The following CDYL variants were observed in gnomAD, a reference collection of about 807,000 sequenced individuals.
The protein encoded by CDYL is chromodomain Y-like protein.
Under a neutral mutation model 47.3 loss-of-function variants are expected in CDYL, and 8 were observed. That is an observed-to-expected ratio of 0.17 (90% CI 0.10 to 0.31). The LOEUF is 0.31. Among genes scored for constraint, CDYL ranks in the 10% least tolerant of loss-of-function variants. The pLI, the probability that CDYL is intolerant of heterozygous loss-of-function variation, is 1.00. For missense variants in CDYL, 471 were observed against 701.4 expected (o/e 0.67, Z 3.71); for synonymous variants, 266 against 265.0 (o/e 1.00, Z -0.04).
At chr6:4,750,640 A>T (rs913154580) in intron 3 of CDYL, among the ~76,000 whole-genome samples, 2 of 152,258 alleles carry the variant, frequency 1.3e-5, no homozygotes, top group African/African-American at 2.4e-5. Flanking sequence ...GCACAACGAC[A>T]ACAATCAAAT....
At chr6:4,900,430 C>A (rs1334867048) in intron 2 of CDYL, among the ~76,000 whole-genome samples, 1 of 152,090 alleles carries the variant, frequency 6.6e-6, no homozygotes, top group Non-Finnish European at 1.5e-5. Context: ...TCTTTCTCCC[C>A]CATATATGTT....
Position 4,749,311 on chromosome 6 carries a change from G to GGATGGATA in CDYL, c.186+14474_186+14475insAGATGGAT, listed in dbSNP as rs57289790. On this transcript the variant is annotated intron_variant, in intron 3 of 8. Transcript: ENST00000328908. ...TGGATGGATGGATGGATGGATAGAT[G>GGATGGATA]GATGGATGGATGGATGGATGGATGG... Among the ~76,000 whole-genome samples, 258 of 126,526 alleles carry GGATGGATA rather than the reference G, an allele frequency of 2.0e-3. 1 individual carries two copies. Among genetic ancestry groups the GGATGGATA allele is most frequent in the Middle Eastern group, 7.6e-3 (2 of 262 alleles). The allele number at this position is 126,526 out of a possible 152,430, so 83.0% of individuals were successfully genotyped here.
At chr6:4,775,878 C>G (rs1758425251), upstream of CDYL, among the ~76,000 whole-genome samples, 1 of 150,616 alleles carries the variant, frequency 6.6e-6, no homozygotes, top group Non-Finnish European at 1.5e-5. The surrounding 1 kb of genome is among the most constrained non-coding windows in gnomAD (Gnocchi z 7.0). Context: ...TTGGGCTCCT[C>G]CTGGAGGGAG....
chr6:4,877,947 A>G (rs1232888689), intron 1 of CDYL, among the ~76,000 whole-genome samples: 2 of 152,154 alleles, frequency 1.3e-5, no homozygotes, highest in Non-Finnish European at 2.9e-5. Flanking sequence ...TTGCTCTTTT[A>G]ATTTGTAAAC....
At chr6:4,803,733 A>ATTTTT (rs754188736) in intron 1 of CDYL, among the ~76,000 whole-genome samples, 1 of 119,978 alleles carries the variant, frequency 8.3e-6, no homozygotes, top group Non-Finnish European at 1.8e-5. Flanking sequence ...CACTTTCCTG[A>ATTTTT]TTTTTTTTTT....
chr6:4,824,185 A>G (rs1405545962), intron 1 of CDYL, among the ~76,000 whole-genome samples: 15 of 152,318 alleles, frequency 9.8e-5, no homozygotes, highest in Middle Eastern at 3.4e-3. Flanking sequence ...GCTACCATGT[A>G]CCTTGATAAT....
intron 1 of CDYL, among the ~76,000 whole-genome samples, chr6:4,785,487 T>TC (rs958134849): frequency 2.6e-5 from 4 of 152,236 alleles, no homozygotes; most frequent in Non-Finnish European, 5.9e-5. Flanking sequence ...TCATGAATGT[T>TC]CTTTGGTTAA....
intron 1 of CDYL, among the ~76,000 whole-genome samples, chr6:4,879,552 G>GGT (rs765022209): frequency 9.4e-6 from 1 of 106,158 alleles, no homozygotes; most frequent in Non-Finnish European, 1.8e-5. Flanking sequence ...TTTTTGTGGG[G>GGT]TTTTTTTTTT....
chr6:4,841,438 G>A (rs1760485727), intron 1 of CDYL, among the ~76,000 whole-genome samples: 1 of 151,990 alleles, frequency 6.6e-6, no homozygotes, highest in Admixed American at 6.6e-5. Context: ...CTGGGTTTGG[G>A]TTTGGTTTGT....
intron 1 of CDYL, among the ~76,000 whole-genome samples, chr6:4,787,095 G>GGT (rs1758774552): frequency 6.6e-6 from 1 of 152,188 alleles, no homozygotes; most frequent in African/African-American, 2.4e-5. Context: ...AGGCACGTGA[G>GGT]GTAGAGTGTA....
chr6:4,895,033 ATATG>A (rs1354700015), intron 2 of CDYL, among the ~76,000 whole-genome samples: 3 of 151,434 alleles, frequency 2.0e-5, no homozygotes, highest in African/African-American at 4.8e-5. Context: ...GTATGTGTAT[ATATG>A]TATCTATATA....
chr6:4,864,381 A>G (rs1262325910), intron 1 of CDYL, among the ~76,000 whole-genome samples: 1 of 152,254 alleles, frequency 6.6e-6, no homozygotes, highest in Non-Finnish European at 1.5e-5. Context: ...AAAATTGGGA[A>G]ACATTTTATT....
chr6:4,725,584 C>T (rs868679176), intron 2 of CDYL, among the ~76,000 whole-genome samples: 4 of 152,212 alleles, frequency 2.6e-5, no homozygotes, highest in African/African-American at 7.2e-5. Flanking sequence ...GGACCTGCAC[C>T]TCCGGGGCTT....
intron 1 of CDYL, among the ~76,000 whole-genome samples, chr6:4,887,902 TGAA>T (rs1459480394): frequency 1.3e-5 from 2 of 151,688 alleles, no homozygotes; most frequent in African/African-American, 2.4e-5. Flanking sequence ...TTTTTAATCA[TGAA>T]GAGGTGTTGA....
At chr6:4,823,159 T>C (rs941086578) in intron 1 of CDYL, among the ~76,000 whole-genome samples, 1 of 152,232 alleles carries the variant, frequency 6.6e-6, no homozygotes, top group African/African-American at 2.4e-5. Flanking sequence ...TTTAGCATTT[T>C]AGCAAAAACA....
intron 1 of CDYL, among the ~76,000 whole-genome samples, chr6:4,823,525 C>T (rs1018384878): frequency 2.6e-5 from 4 of 152,176 alleles, no homozygotes; most frequent in African/African-American, 7.2e-5. Context: ...GTATATAATT[C>T]CCTGACGTTA....
chr6:4,952,349 C>T lies in CDYL; in HGVS notation c.1416C>T (p.Pro472=), dbSNP rs150165899. The change falls in exon 6 of 7, where the codon CCC becomes CCT. Residue 472 remains proline, a synonymous_variant. Transcript: ENST00000397588. ...GKGLVSQVFW[P]GTFTQEVMVR... The stretch of plus-strand genomic sequence containing the variant: ...GCCTGGTCTCCCAGGTGTTTTGGCC[C>T]GGGACGTTCACTCAGGAAGTGATGG... The T allele has an allele frequency of 3.3e-3, 5,378 of 1,614,130 alleles. 13 individuals are homozygous for T. Among genetic ancestry groups the T allele is most frequent in the Non-Finnish European group, 4.2e-3 (4,978 of 1,180,018 alleles).
At chr6:4,870,555 TG>T (rs895223839) in intron 1 of CDYL, among the ~76,000 whole-genome samples, 30 of 152,338 alleles carry the variant, frequency 2.0e-4, no homozygotes, top group African/African-American at 6.3e-4. Flanking sequence ...TGATTTTATT[TG>T]GAATATTTTT....
In CDYL at chr6:4,826,247, T is replaced by G. The variant is rs565797373; in HGVS notation, c.24+49440T>G. On this transcript the variant is annotated intron_variant, in intron 1 of 6. Transcript: ENST00000397588. ...TTCTAATTTTAGTTATTTGTGTCTTTTCTTTTTTTCTCTGTCCAGCTAATG... is the reference window on the plus strand; with the variant it reads ...TTCTAATTTTAGTTATTTGTGTCTTGTCTTTTTTTCTCTGTCCAGCTAATG... Among the ~76,000 whole-genome samples the G allele has an allele frequency of 6.6e-5, 10 of 152,330 alleles. No homozygotes were observed. The East Asian group carries it at 1.9e-3, about 29-fold the overall frequency.
Sources: gnomAD v4.1 joint callset for allele counts (sites outside exome capture counted in the v4.1 genomes callset) on GRCh38, gnomAD v4.1.1 for gene constraint, Gnocchi (gnomAD v3.1) non-coding constraint, MANE v1.5 for transcripts, NCBI Gene and HGNC (gene_info 2026-07-23, HGNC 2026-07-21) for gene names.